The following FBN3 variants were observed in gnomAD, a reference collection of about 807,000 sequenced individuals.
The protein encoded by FBN3 is fibrillin-3.
FBN3 carries 234 observed loss-of-function variants against 330.1 expected under a neutral mutation model. The observed-to-expected ratio is 0.71, with a 90% CI of 0.64 to 0.79. The LOEUF (loss-of-function observed/expected upper bound fraction) is 0.79. Among genes scored for constraint, FBN3 ranks in the 30% least tolerant of loss-of-function variants. The probability of loss-of-function intolerance (pLI) is 0.00; values close to 1 mark genes in which losing one functional copy is unlikely to be tolerated. For synonymous variants in FBN3, 1,458 were observed against 1,517.3 expected (o/e 0.96, Z 0.91); for missense variants, 3,606 against 3,886.9 (o/e 0.93, Z 1.92).
chr19:8,083,096 TG>T, intron 57 of FBN3, 150 bp downstream of exon 57: 1 of 906,734 alleles, frequency 1.1e-6, no homozygotes, highest in Non-Finnish European at 1.7e-6. Flanking sequence ...CCATCACACC[TG>T]GCCCTCAGTT....
At chr19:8,137,295 T>TG (rs574919244) in intron 10 of FBN3, among the ~76,000 whole-genome samples, 1 of 144,338 alleles carries the variant, frequency 6.9e-6, no homozygotes. Flanking sequence ...CCCTCCAACC[T>TG]GGGCCCTAGA....
chr19:8,101,173 G>A (rs901390892), intron 40 of FBN3, among the ~76,000 whole-genome samples: 4 of 152,098 alleles, frequency 2.6e-5, no homozygotes, highest in Non-Finnish European at 4.4e-5. Flanking sequence ...CACCCAGGCT[G>A]GAGTGCACTG....
intron 38 of FBN3, among the ~76,000 whole-genome samples, chr19:8,105,402 C>T (rs538960278): frequency 2.6e-5 from 4 of 151,980 alleles, no homozygotes; most frequent in South Asian, 2.1e-4. Flanking sequence ...GGATTACAGG[C>T]GTGAGTCACC....
At position 8,065,919 on chromosome 19, in the gene FBN3, C is replaced by G. The variant is rs1348981455; in HGVS notation, c.8430G>C (p.Ter2810TyrextTer22). The G allele has an allele frequency of 6.4e-7, 1 of 1,567,012 alleles. No homozygotes were observed. The highest frequency in any genetic ancestry group is 2.3e-5 in the East Asian group (1 of 44,298). ...TGGGGCCCACTGAGGCTCCTCCCAA[C>G]TAAAGCAACTGCAGCTGCACCTTCA... ...LRLKVQLQLL[*>Y] The change falls in exon 64 of 64, where the codon TAG (stop) becomes TAC (tyrosine). Residue 2810 changes from the stop codon to tyrosine (Y), a stop_lost. Transcript: ENST00000600128.
At chr19:8,127,709 C>T (rs116003695) in intron 18 of FBN3, among the ~76,000 whole-genome samples, 237 of 152,332 alleles carry the variant, frequency 1.6e-3, no homozygotes, top group African/African-American at 5.3e-3. Flanking sequence ...ACAGGCTGGG[C>T]GCTGTGGCTT....
intron 59 of FBN3, among the ~76,000 whole-genome samples, chr19:8,076,765 T>G (rs1442940871): frequency 2.0e-5 from 3 of 152,184 alleles, no homozygotes; most frequent in Non-Finnish European, 4.4e-5. Context: ...AACCAACTGT[T>G]AATTTTGGTT....
chr19:8,119,260 G>A (rs536142296), intron 25 of FBN3, among the ~76,000 whole-genome samples: 1 of 152,160 alleles, frequency 6.6e-6, no homozygotes, highest in African/African-American at 2.4e-5. Flanking sequence ...AGGCCACGAA[G>A]CTGACACTCT....
Position 8,126,281 on chromosome 19 carries a change from A to G in FBN3, c.2605+16T>C. The stretch of plus-strand genomic sequence containing the variant: ...CTCTGGAGTAGGGGGTGAGCTGGAC[A>G]CGGGCAGGCAGTTACCATCGCAGGT... On this transcript the variant is annotated intron_variant, in intron 21 of 63. Coordinates refer to ENST00000600128, the MANE Select transcript of FBN3 (RefSeq NM_032447.5). 6.3e-7 allele frequency: 1 copy of G among 1,583,258 alleles called. No homozygotes were observed.
intron 56 of FBN3, among the ~76,000 whole-genome samples, chr19:8,084,834 C>T (rs892244527): frequency 6.6e-6 from 1 of 151,530 alleles, no homozygotes; most frequent in Non-Finnish European, 1.5e-5. Context: ...GTGATCCGGC[C>T]GCCTCAGCCT....
At chr19:8,138,741 T>C (rs1042082862) in intron 8 of FBN3, among the ~76,000 whole-genome samples, 177 bp from the exon 9 acceptor site, 2 of 152,160 alleles carry the variant, frequency 1.3e-5, no homozygotes, top group African/African-American at 2.4e-5. Context: ...GGAAAAGTAT[T>C]ACCTGGATGA....
intron 38 of FBN3, among the ~76,000 whole-genome samples, chr19:8,103,998 C>T (rs1227607009): frequency 2.6e-5 from 4 of 151,660 alleles, no homozygotes; most frequent in Non-Finnish European, 5.9e-5. Context: ...ATTAGCTGGG[C>T]ATGGTGGTGC....
intron 1 of FBN3, among the ~76,000 whole-genome samples, chr19:8,148,077 A>G (rs796962378): frequency 1.3e-5 from 2 of 152,012 alleles, no homozygotes; most frequent in South Asian, 2.1e-4. Flanking sequence ...GAGAGCGTCC[A>G]GGGTAGGAGG....
At chr19:8,136,901 G>GGGGCCTGGATCCCTCCAACCT (rs1555754109) in intron 10 of FBN3, among the ~76,000 whole-genome samples, 5,956 of 79,464 alleles carry the variant, frequency 0.075, 1,136 homozygotes, top group African/African-American at 0.13. Flanking sequence ...CCTCCAACCT[G>GGGGCCTGGATCCCTCCAACCT]GGGCCTGGAT....
intron 41 of FBN3, among the ~76,000 whole-genome samples, chr19:8,097,744 A>T (rs2082242283): frequency 6.6e-6 from 1 of 152,246 alleles, no homozygotes; most frequent in South Asian, 2.1e-4. Context: ...AGAAACTGGA[A>T]ACATCAACTG....
At chr19:8,117,860 C>A (rs534805837) in intron 26 of FBN3, among the ~76,000 whole-genome samples, 2 of 152,002 alleles carry the variant, frequency 1.3e-5, no homozygotes, top group African/African-American at 4.8e-5. Flanking sequence ...AACACACTCA[C>A]CCTTGACAGA....
intron 13 of FBN3, 110 bp downstream of exon 13, chr19:8,135,851 C>A (rs935772987): frequency 4.8e-6 from 6 of 1,239,636 alleles, no homozygotes; most frequent in Non-Finnish European, 6.8e-6. Context: ...GCAGAGGAGA[C>A]GTCGTAGGGA....
In FBN3 at chr19:8,075,199, T is replaced by C. The variant is rs774393336; in HGVS notation, c.7583-9A>G. ...ATCACATTCATTCACATCTGAGACA[T>C]AGAGAGAGGGAGAGAGGGTTTACCA... is the stretch of plus-strand genomic sequence containing the variant. On this transcript the variant is annotated splice_polypyrimidine_tract_variant and intron_variant, in intron 60 of 63. Transcript: ENST00000600128. 2.5e-6 allele frequency: 4 copies of C among 1,569,120 alleles called. No individual in the cohort carries two copies. Among genetic ancestry groups the C allele is most frequent in the Admixed American group, 1.8e-5 (1 of 55,726 alleles).
intron 46 of FBN3, 114 bp from the exon 47 acceptor site, chr19:8,094,679 C>A: frequency 8.1e-7 from 1 of 1,237,156 alleles, no homozygotes; most frequent in Non-Finnish European, 1.1e-6. Flanking sequence ...CAGGACAAGC[C>A]CTCCCAGTGG....
chr19:8,136,644 C>T, intron 10 of FBN3, 113 bp from the exon 11 acceptor site: 2 of 1,399,270 alleles, frequency 1.4e-6, no homozygotes, highest in Non-Finnish European at 2.0e-6. Context: ...GGACCCTGCC[C>T]TGGCTCAGAT....
Sources: allele counts gnomAD v4.1 joint callset (sites outside exome capture counted in the v4.1 genomes callset), GRCh38; gene constraint gnomAD v4.1.1; transcripts MANE v1.5; gene names NCBI Gene and HGNC (gene_info 2026-07-23, HGNC 2026-07-21).